The following ARB2A variants were observed in gnomAD, a reference collection of about 807,000 sequenced individuals.
ARB2A encodes cotranscriptional regulator ARB2A.
chr5:93,693,916 C>T, the ARB2A span, among the ~76,000 whole-genome samples: 64 of 152,072 alleles, frequency 4.2e-4, no homozygotes, highest in Admixed American at 4.2e-3. Context: ...TAATACATCA[C>T]ATAAACAGAA....
the ARB2A span, among the ~76,000 whole-genome samples, chr5:93,843,732 T>G: frequency 2.0e-5 from 3 of 151,946 alleles, no homozygotes; most frequent in Non-Finnish European, 4.4e-5. Flanking sequence ...AGTGAAAAAT[T>G]CAACAGAAGG....
chr5:93,661,543 T>A, the ARB2A span, among the ~76,000 whole-genome samples: 1 of 151,650 alleles, frequency 6.6e-6, no homozygotes, highest in East Asian at 1.9e-4. Context: ...ATTCAGAGAG[T>A]CATCACCTAT....
At chr5:94,093,817 C>A in the ARB2A span, among the ~76,000 whole-genome samples, 1 of 152,148 alleles carries the variant, frequency 6.6e-6, no homozygotes, top group African/African-American at 2.4e-5. Context: ...CAGCAAAATT[C>A]CTCTCCAGCT....
the ARB2A span, among the ~76,000 whole-genome samples, chr5:93,827,272 T>C: frequency 6.6e-6 from 1 of 152,208 alleles, no homozygotes; most frequent in Admixed American, 6.5e-5. Flanking sequence ...TTCCTGACTT[T>C]TTAATGATCA....
the ARB2A span, among the ~76,000 whole-genome samples, chr5:94,072,618 C>T: frequency 6.6e-6 from 1 of 151,950 alleles, no homozygotes. Context: ...TAAATAAAAA[C>T]TAATACATAC....
chr5:93,710,567 T>C, the ARB2A span, among the ~76,000 whole-genome samples: 1 of 152,160 alleles, frequency 6.6e-6, no homozygotes. Context: ...TTGATTGTTA[T>C]AAGGAATAAA....
chr5:93,654,551 A>G, the ARB2A span, among the ~76,000 whole-genome samples: 17 of 152,220 alleles, frequency 1.1e-4, no homozygotes, highest in Non-Finnish European at 5.9e-5. Context: ...GATATTTTTA[A>G]TGATATTCCC....
chr5:93,797,024 G>A, the ARB2A span, among the ~76,000 whole-genome samples: 2 of 152,188 alleles, frequency 1.3e-5, no homozygotes, highest in South Asian at 2.1e-4. Context: ...TAACAAAAGA[G>A]CACTTCTGAG....
chr5:93,676,773 A>G, the ARB2A span, among the ~76,000 whole-genome samples: 5 of 152,334 alleles, frequency 3.3e-5, no homozygotes, highest in East Asian at 7.7e-4. Context: ...GTTTCCAAGA[A>G]CAAACTTTAA....
chr5:94,014,369 G>A, the ARB2A span, among the ~76,000 whole-genome samples: 3 of 152,098 alleles, frequency 2.0e-5, no homozygotes, highest in Non-Finnish European at 2.9e-5. Flanking sequence ...CCAAAAACAC[G>A]GCAGCAGCCT....
the ARB2A span, chr5:93,865,459 A>C: frequency 1.0e-6 from 1 of 985,318 alleles, no homozygotes; most frequent in Non-Finnish European, 1.2e-6. Flanking sequence ...CACTTGTGAC[A>C]TGGTACATAA....
the ARB2A span, among the ~76,000 whole-genome samples, chr5:93,988,934 T>A: frequency 6.6e-6 from 1 of 152,152 alleles, no homozygotes; most frequent in Non-Finnish European, 1.5e-5. Flanking sequence ...CTAGAGTCTA[T>A]TTTCTAAACG....
the ARB2A span, among the ~76,000 whole-genome samples, chr5:94,007,035 G>T: frequency 6.6e-6 from 1 of 152,074 alleles, no homozygotes; most frequent in Non-Finnish European, 1.5e-5. Flanking sequence ...GCCACTGATT[G>T]CATCTCTAAC....
At chr5:93,920,274 A>G in the ARB2A span, among the ~76,000 whole-genome samples, 1 of 152,174 alleles carries the variant, frequency 6.6e-6, no homozygotes. Context: ...ATTATTTCAC[A>G]TAACTTCATA....
the ARB2A span, among the ~76,000 whole-genome samples, chr5:94,001,895 TA>T: frequency 6.6e-6 from 1 of 152,190 alleles, no homozygotes; most frequent in South Asian, 2.1e-4. Context: ...ATGTACATGG[TA>T]AAAGGAATTG....
At chr5:94,041,235 T>C in the ARB2A span, among the ~76,000 whole-genome samples, 1 of 151,790 alleles carries the variant, frequency 6.6e-6, no homozygotes, top group African/African-American at 2.4e-5. Context: ...GTGCTTTGTG[T>C]GTCCTTCTGT....
At chr5:93,970,099 C>T in the ARB2A span, among the ~76,000 whole-genome samples, 1 of 152,206 alleles carries the variant, frequency 6.6e-6, no homozygotes, top group South Asian at 2.1e-4. Context: ...CTAAATTTGG[C>T]CTTATTGATT....
chr5:94,068,862 CA>C, the ARB2A span, among the ~76,000 whole-genome samples: 10,603 of 62,562 alleles, frequency 0.17, 300 homozygotes, highest in Middle Eastern at 0.22. Context: ...ACTAAAAATA[CA>C]AAAAAAAAAA....
the ARB2A span, among the ~76,000 whole-genome samples, chr5:93,839,188 G>T: frequency 6.6e-6 from 1 of 152,094 alleles, no homozygotes; most frequent in Non-Finnish European, 1.5e-5. Flanking sequence ...GTCATAGATG[G>T]CTCCAATTAC....
Sources: allele counts gnomAD v4.1 joint callset (sites outside exome capture counted in the v4.1 genomes callset), GRCh38; gene constraint gnomAD v4.1.1; transcripts MANE v1.5; gene names NCBI Gene and HGNC (gene_info 2026-07-23, HGNC 2026-07-21).